The following LIMD1 variants were observed in gnomAD, a reference collection of about 807,000 sequenced individuals.
The protein encoded by LIMD1 is LIM domain containing 1.
A neutral mutation model predicts 58.4 loss-of-function variants in LIMD1; 23 were observed. The ratio of observed to expected loss-of-function variants is 0.39; its 90% CI spans 0.28 to 0.56. The LOEUF (loss-of-function observed/expected upper bound fraction) is 0.56, where lower values mean the gene tolerates loss of function less well. Ranked by LOEUF, LIMD1 falls within the 20% of genes least tolerant of loss-of-function variation. LIMD1 has a pLI of 0.57. For missense variants in LIMD1, 838 were observed against 855.5 expected (o/e 0.98, Z 0.25); for synonymous variants, 334 against 345.5 (o/e 0.97, Z 0.37).
chr3:45,627,989 C>CA (rs1701682557), intron 1 of LIMD1, among the ~76,000 whole-genome samples: 2 of 127,396 alleles, frequency 1.6e-5, no homozygotes, highest in African/African-American at 6.7e-5. Flanking sequence ...GCCTGGGTGA[C>CA]AGAGTGAGAC....
At chr3:45,662,721 G>A (rs1263963798) in intron 2 of LIMD1, among the ~76,000 whole-genome samples, 2 of 152,144 alleles carry the variant, frequency 1.3e-5, no homozygotes, top group Non-Finnish European at 2.9e-5. Context: ...TTGTGGCCGG[G>A]CATGGTGGCT....
At chr3:45,632,367 A>G (rs1478697892) in intron 1 of LIMD1, 1 of 209,324 alleles carries the variant, frequency 4.8e-6, no homozygotes, top group Non-Finnish European at 8.3e-6. Context: ...CATTTGAATT[A>G]TGTCATCGCC....
chr3:45,603,544 G>A (rs749573326), intron 1 of LIMD1, among the ~76,000 whole-genome samples: 1 of 152,142 alleles, frequency 6.6e-6, no homozygotes, highest in East Asian at 1.9e-4. Context: ...TGACATGGAA[G>A]TAAATTTCTG....
At chr3:45,641,973 G>A (rs1701847457) in intron 2 of LIMD1, among the ~76,000 whole-genome samples, 1 of 152,188 alleles carries the variant, frequency 6.6e-6, no homozygotes, top group Non-Finnish European at 1.5e-5. Context: ...GGGGAATAGG[G>A]AGGTGAATGA....
chr3:45,651,086 A>C (rs1349579342), intron 2 of LIMD1, among the ~76,000 whole-genome samples: 1 of 151,976 alleles, frequency 6.6e-6, no homozygotes, highest in East Asian at 1.9e-4. Flanking sequence ...TCTGATGACC[A>C]GTGATGATGA....
At chr3:45,631,806 CAG>C (rs980607094) in intron 1 of LIMD1, among the ~76,000 whole-genome samples, 10 of 152,176 alleles carry the variant, frequency 6.6e-5, no homozygotes, top group African/African-American at 1.4e-4. Context: ...ATCTTATGAA[CAG>C]GGGTAGGAGA....
intron 2 of LIMD1, among the ~76,000 whole-genome samples, chr3:45,639,062 G>T (rs2125659524): frequency 6.6e-6 from 1 of 152,214 alleles, no homozygotes; most frequent in Admixed American, 6.5e-5. Flanking sequence ...AGAGACAGAG[G>T]TCTCGCTGTG....
intron 7 of LIMD1, among the ~76,000 whole-genome samples, chr3:45,674,742 G>C (rs562682287): frequency 6.6e-6 from 1 of 152,128 alleles, no homozygotes; most frequent in Non-Finnish European, 1.5e-5. Context: ...GCAGGTGTGC[G>C]ATTTGGGGAA....
chr3:45,631,313 AAG>A (rs1328650179), intron 1 of LIMD1, among the ~76,000 whole-genome samples: 1 of 151,976 alleles, frequency 6.6e-6, no homozygotes, highest in Non-Finnish European at 1.5e-5. Flanking sequence ...AAAAAAAACA[AAG>A]AAAGAAATCT....
chr3:45,685,215 C>T lies in LIMD1; in HGVS notation c.*8156C>T, dbSNP rs1371481152. Reference sequence around the variant, plus strand: ...TACCCATCATTGGCTGGTTCCTTATCCTGAACATTGGTTTCCTTGGAATCT... The same window carrying T: ...TACCCATCATTGGCTGGTTCCTTATTCTGAACATTGGTTTCCTTGGAATCT... On this transcript the variant is annotated 3_prime_UTR_variant, in exon 8 of 8. Transcript: ENST00000273317. 6.6e-6 allele frequency: 1 copy of T among 152,156 alleles called. No homozygotes were observed. The highest frequency in any genetic ancestry group is 1.5e-5 in the Non-Finnish European group (1 of 68,042). The allele number at this position is 152,156 out of a possible 1,614,324, so 9.4% of individuals were successfully genotyped here.
At chr3:45,633,125 G>A (rs1368686126) in intron 1 of LIMD1, among the ~76,000 whole-genome samples, 1 of 152,190 alleles carries the variant, frequency 6.6e-6, no homozygotes, top group Non-Finnish European at 1.5e-5. Context: ...TTTCATACTG[G>A]TGGGGGCTCC....
At position 45,678,176 on chromosome 3, in the gene LIMD1, G is replaced by A. The variant is rs1697696295; in HGVS notation, c.*1117G>A. ...AGGATAAGGTACACTGCTTTTGTCT[G>A]TTTAATTTTTTTAGTTGTTTCCCTT... On this transcript the variant is annotated 3_prime_UTR_variant, in exon 8 of 8. Transcript: ENST00000273317. The A allele has an allele frequency of 6.6e-6, 1 of 152,560 alleles. No homozygotes were observed. The highest frequency in any genetic ancestry group is 2.4e-5 in the African/African-American group (1 of 41,418). 9.5% of individuals were successfully genotyped at this position (152,560 alleles called of 1,614,324 possible).
chr3:45,651,022 C>G (rs557698299), intron 2 of LIMD1, among the ~76,000 whole-genome samples: 1 of 133,066 alleles, frequency 7.5e-6, no homozygotes, highest in Non-Finnish European at 1.6e-5. Flanking sequence ...TTTTAATAAT[C>G]GCCATTCTAA....
Position 45,595,805 on chromosome 3 carries a change from G to C in LIMD1, c.926G>C (p.Gly309Ala), listed in dbSNP as rs1487453109. 1.9e-6 allele frequency: 3 copies of C among 1,614,148 alleles called. No homozygotes were observed. Among genetic ancestry groups the C allele is most frequent in the Non-Finnish European group, 1.7e-6 (2 of 1,180,026 alleles). ...APLALSCPRQ[G>A]GLPRSNSGLG... ...TTGGCCCTGAGCTGCCCCAGGCAAGGAGGTCTTCCAAGATCAAACTCGGGG... is the reference window on the plus strand; with the variant it reads ...TTGGCCCTGAGCTGCCCCAGGCAAGCAGGTCTTCCAAGATCAAACTCGGGG... The change falls in exon 1 of 8, where the codon GGA (glycine) becomes GCA (alanine). Residue 309 changes from glycine to alanine, a missense_variant. Gly to Ala is a moderately conservative substitution (Grantham distance 60). This residue lies in a region of LIMD1 where 659 missense variants were observed against 639.8 expected (regional missense o/e 1.03). Coordinates refer to ENST00000273317, the MANE Select transcript of LIMD1 (RefSeq NM_014240.3).
chr3:45,624,552 AAAAAAT>A (rs1701652578), intron 1 of LIMD1, among the ~76,000 whole-genome samples: 1 of 152,084 alleles, frequency 6.6e-6, no homozygotes, highest in South Asian at 2.1e-4. Flanking sequence ...TGAAAATACA[AAAAAAT>A]AAAAATAAAA....
At chr3:45,671,638 A>T (rs1373068198) in intron 4 of LIMD1, among the ~76,000 whole-genome samples, 1 of 152,222 alleles carries the variant, frequency 6.6e-6, no homozygotes, top group Non-Finnish European at 1.5e-5. Flanking sequence ...AGTTAAACCA[A>T]TGATCCTCCA....
intron 2 of LIMD1, among the ~76,000 whole-genome samples, chr3:45,650,540 A>C (rs1273049959): frequency 8.5e-6 from 1 of 117,742 alleles, no homozygotes; most frequent in East Asian, 2.8e-4. Context: ...CCCTGTGTCC[A>C]CGTGTTCTGA....
chr3:45,618,903 G>A (rs997404046), intron 1 of LIMD1, among the ~76,000 whole-genome samples: 3 of 152,172 alleles, frequency 2.0e-5, no homozygotes, highest in Non-Finnish European at 2.9e-5. Context: ...GAGTGGACCC[G>A]AATTCTGGGG....
intron 4 of LIMD1, among the ~76,000 whole-genome samples, chr3:45,670,206 T>A (rs1697572033): frequency 6.6e-6 from 1 of 152,190 alleles, no homozygotes; most frequent in South Asian, 2.1e-4. Flanking sequence ...TTTAGTGTCC[T>A]TCTGACAAAC....
Sources: gnomAD v4.1 joint callset for allele counts (sites outside exome capture counted in the v4.1 genomes callset) on GRCh38, gnomAD v4.1.1 for gene constraint, gnomAD v4.1.1 regional missense constraint, MANE v1.5 for transcripts, NCBI Gene and HGNC (gene_info 2026-07-23, HGNC 2026-07-21) for gene names.